LAYN: variants seen among roughly 807,000 people sequenced by gnomAD.
The protein encoded by LAYN is layilin.
LAYN carries 38 observed loss-of-function variants against 43.6 expected under a neutral mutation model. The observed-to-expected ratio is 0.87, with a 90% CI of 0.67 to 1.14. The LOEUF is 1.14. LAYN is among the 50% of genes most tolerant of loss of function. LAYN has a pLI of 0.00. For missense variants in LAYN, 479 were observed against 463.8 expected, an observed-to-expected ratio of 1.03 and a Z score of -0.30; for synonymous variants, 168 against 172.9, an observed-to-expected ratio of 0.97 and a Z score of 0.22.
At chr11:111,544,297 G>C in intron 2 of LAYN, 77 bp downstream of exon 2, 2 of 1,423,282 alleles carry the variant, frequency 1.4e-6, no homozygotes, top group South Asian at 1.4e-5. Context: ...CACAGTGCCA[G>C]ATCAGTGGGG....
Position 111,543,966 on chromosome 11 carries a change from A to C in LAYN, c.129A>C (p.Lys43Asn). The C allele has an allele frequency of 6.2e-7, 1 of 1,614,078 alleles. No individual in the cohort carries two copies. Among genetic ancestry groups the C allele is most frequent in the Non-Finnish European group, 8.5e-7 (1 of 1,180,018 alleles). ...CRGGTQRPCYKVIYFHDTSRR... is the reference protein window; with the variant it reads ...CRGGTQRPCYNVIYFHDTSRR... ...GAGGGACACAGAGGCCTTGTTATAAAGTCATTTACTTCCATGATACTTCTC... is the reference window on the plus strand; with the variant it reads ...GAGGGACACAGAGGCCTTGTTATAACGTCATTTACTTCCATGATACTTCTC... The change falls in exon 2 of 7, where the codon AAA becomes AAC. Residue 43 changes from lysine to asparagine, a missense_variant. Transcript: ENST00000375614.
chr11:111,557,626 T>C lies in LAYN; in HGVS notation c.744T>C (p.Val248=). The C allele has an allele frequency of 6.2e-7, 1 of 1,613,886 alleles. No homozygotes were observed. The highest frequency in any genetic ancestry group is 8.5e-7 in the Non-Finnish European group (1 of 1,179,732). Residue 248 remains valine (V), a synonymous_variant, in exon 6 of 7, where the codon GTT becomes GTC. Coordinates refer to ENST00000375614, the MANE Select transcript of LAYN (RefSeq NM_178834.5). The part of the protein sequence containing the change: ...LLVVTTVVCW[V]WICRKRKREQ... The stretch of plus-strand genomic sequence containing the variant: ...TGGTCACCACAGTTGTATGTTGGGT[T>C]TGGATCTGTAGAAAAAGGCAAGTAA...
rs775947887 is a variant in LAYN, at chr11:111,560,282, G to A, written c.949G>A (p.Asp317Asn). 7.4e-6 allele frequency: 12 copies of A among 1,614,028 alleles called. No homozygotes were observed. The highest frequency in any genetic ancestry group is 2.2e-5 in the South Asian group (2 of 91,084). Reference protein sequence around the residue: ...FRVCSGEATPDDMSCDYDNMA... With the variant: ...FRVCSGEATPNDMSCDYDNMA... ...AGTGTGTTCGGGAGAAGCCACTCCC[G>A]ATGACATGTCTTGTGACTATGACAA... The change falls in exon 7 of 7, where the codon GAT becomes AAT. Residue 317 changes from aspartate to asparagine, a missense_variant. Coordinates refer to ENST00000375614, the MANE Select transcript of LAYN (RefSeq NM_178834.5).
chr11:111,556,093 A>T (rs1161081557), intron 5 of LAYN, among the ~76,000 whole-genome samples: 1 of 152,194 alleles, frequency 6.6e-6, no homozygotes, highest in Non-Finnish European at 1.5e-5. Context: ...CAAATCCAGG[A>T]GTGCCCATGA....
intron 3 of LAYN, 99 bp downstream of exon 3, chr11:111,549,874 A>G: frequency 7.7e-7 from 1 of 1,303,330 alleles, no homozygotes; most frequent in Non-Finnish European, 1.1e-6. Context: ...GTCTCTGAGA[A>G]AGCTTGTTGC....
chr11:111,556,850 G>T (rs1867854275), intron 5 of LAYN, among the ~76,000 whole-genome samples: 1 of 152,114 alleles, frequency 6.6e-6, no homozygotes, highest in South Asian at 2.1e-4. Flanking sequence ...CCACTTGAGG[G>T]GAACATCTTT....
At chr11:111,545,055 AATATATAT>A (rs36063658) in intron 2 of LAYN, among the ~76,000 whole-genome samples, 1 of 82,466 alleles carries the variant, frequency 1.2e-5, no homozygotes, top group African/African-American at 3.2e-5. Flanking sequence ...AAATTTAACA[AATATATAT>A]ATATATATAT....
chr11:111,541,008 C>G, intron 1 of LAYN, 80 bp downstream of exon 1: 1 of 1,356,182 alleles, frequency 7.4e-7, no homozygotes. Context: ...TCTTCTGGGT[C>G]GCCACGTATG....
rs1262731557 is a variant in LAYN at position 111,560,204 on chromosome 11, A to C, written c.871A>C (p.Ser291Arg). 6.2e-7 allele frequency: 1 copy of C among 1,614,232 alleles called. No homozygotes were observed. Among genetic ancestry groups the C allele is most frequent in the South Asian group, 1.1e-5 (1 of 91,082 alleles). The stretch of plus-strand genomic sequence containing the variant: ...GGTCTACAATGTCATAAGAAAACAA[A>C]GCGAAGCTGACTTAGCTGAGACCCG... ...LEVYNVIRKQ[S>R]EADLAETRPD... Residue 291 changes from serine to arginine, a missense_variant, in exon 7 of 7, where the codon AGC (serine) becomes CGC (arginine). Ser to Arg is a moderately radical substitution (Grantham distance 110). Coordinates refer to ENST00000375614, the MANE Select transcript of LAYN (RefSeq NM_178834.5).
At chr11:111,557,896 T>C (rs1867874781) in intron 6 of LAYN, among the ~76,000 whole-genome samples, 4 of 152,108 alleles carry the variant, frequency 2.6e-5, no homozygotes, top group Admixed American at 2.6e-4. Context: ...AAGGGTGAAA[T>C]TGCATTATTC....
Position 111,554,555 on chromosome 11 carries a change from C to T in LAYN, c.542-6C>T, listed in dbSNP as rs1591569563. The T allele has an allele frequency of 3.7e-6, 6 of 1,611,176 alleles. No individual in the cohort carries two copies. The East Asian group carries it at 1.1e-4, about 30-fold the overall frequency. ...TTATTTTTGTTTTTGTTTCTTTCTACTACAGAGAAACCAGCAGTTCCTTCT... is the reference window on the plus strand; with the variant it reads ...TTATTTTTGTTTTTGTTTCTTTCTATTACAGAGAAACCAGCAGTTCCTTCT... On this transcript the variant is annotated splice_region_variant and splice_polypyrimidine_tract_variant and intron_variant, in intron 3 of 6. Coordinates refer to ENST00000375614, the MANE Select transcript of LAYN (RefSeq NM_178834.5).
At position 111,540,942 on chromosome 11, in the gene LAYN, C is replaced by A. The variant is rs374111096; in HGVS notation, c.85+14C>A. The A allele has an allele frequency of 6.5e-4, 997 of 1,525,446 alleles. 2 individuals are homozygous for A. In the African/African-American group the frequency reaches 0.011, roughly 17 times the overall value. 94.5% of individuals were successfully genotyped at this position (1,525,446 alleles called of 1,614,324 possible). A position where few individuals can be genotyped will look rare whatever the true frequency, so the allele number is the denominator to read the frequency against. ...GCCTGCTGAGTGGTGAGTGCGCGCG[C>A]TGGGGCGGGGGCTGGTGCCGGGGTG... On this transcript the variant is annotated intron_variant, in intron 1 of 6. Coordinates refer to ENST00000375614, the MANE Select transcript of LAYN (RefSeq NM_178834.5).
chr11:111,554,658 A>G (rs1867803197), intron 4 of LAYN, 65 bp downstream of exon 4: 1 of 1,363,394 alleles, frequency 7.3e-7, no homozygotes, highest in Non-Finnish European at 1.0e-6. Flanking sequence ...CACAGGTTTA[A>G]AGCCCTATGT....
chr11:111,543,607 C>T (rs1867587316), intron 1 of LAYN, among the ~76,000 whole-genome samples: 2 of 152,328 alleles, frequency 1.3e-5, no homozygotes, highest in South Asian at 4.2e-4. Context: ...GTGTGCCTTT[C>T]AGTGAAACCA....
intron 2 of LAYN, among the ~76,000 whole-genome samples, chr11:111,544,514 C>T (rs1867613469): frequency 6.6e-6 from 1 of 152,152 alleles, no homozygotes; most frequent in South Asian, 2.1e-4. Flanking sequence ...CCTTTTGGAC[C>T]AGAACCTCAT....
In LAYN at chr11:111,560,549, A is replaced by C; in HGVS notation, c.*91A>C. On this transcript the variant is annotated 3_prime_UTR_variant, in exon 7 of 7. Coordinates refer to ENST00000375614, the MANE Select transcript of LAYN (RefSeq NM_178834.5). ...TATAAGGAAAATACACAGAAGGTCT[A>C]TGAACAAGCTTAGATCAGGTCCTGT... is the stretch of plus-strand genomic sequence containing the variant. 7.2e-7 allele frequency: 1 copy of C among 1,385,520 alleles called. No individual in the cohort carries two copies. Among genetic ancestry groups the C allele is most frequent in the Admixed American group, 2.3e-5 (1 of 42,958 alleles). 85.8% of individuals were successfully genotyped at this position (1,385,520 alleles called of 1,614,324 possible). A position where few individuals can be genotyped will look rare whatever the true frequency, so the allele number is the denominator to read the frequency against.
chr11:111,549,794 A>T lies in LAYN; in HGVS notation c.541+19A>T, dbSNP rs1867711171. 1 of 1,592,160 alleles carries T rather than the reference A, an allele frequency of 6.3e-7. No homozygotes were observed. The highest frequency in any genetic ancestry group is 8.5e-7 in the Non-Finnish European group (1 of 1,172,082). On this transcript the variant is annotated intron_variant, in intron 3 of 6. Coordinates refer to ENST00000375614, the MANE Select transcript of LAYN (RefSeq NM_178834.5). Reference sequence around the variant, plus strand: ...TCTGATGGTAATGAATCCTCTCCCAAGCTATGCGGCTGAATTCTCAACTTC... The same window carrying T: ...TCTGATGGTAATGAATCCTCTCCCATGCTATGCGGCTGAATTCTCAACTTC...
upstream of LAYN, chr11:111,540,689 G>A (rs971523032): frequency 3.1e-5 from 21 of 670,062 alleles, no homozygotes; most frequent in East Asian, 5.4e-4. Flanking sequence ...AGGGGCGACC[G>A]ACTGACTCCG....
At position 111,560,160 on chromosome 11, in the gene LAYN, G is replaced by A. The variant is rs1565276970; in HGVS notation, c.827G>A (p.Gly276Glu). ...ACCATCTGGCCCTCTCCTCACCAGG[G>A]AAACAGCCCGGACCTAGAGGTCTAC... ...QHTIWPSPHQ[G>E]NSPDLEVYNV... The change falls in exon 7 of 7, where the codon GGA (glycine) becomes GAA (glutamate). Residue 276 changes from glycine (G) to glutamate (E), a missense_variant. Transcript: ENST00000375614. The A allele has an allele frequency of 1.9e-6, 3 of 1,614,168 alleles. No individual in the cohort carries two copies. The highest frequency in any genetic ancestry group is 2.2e-5 in the East Asian group (1 of 44,882).
Sources: allele counts gnomAD v4.1 joint callset (sites outside exome capture counted in the v4.1 genomes callset), GRCh38; gene constraint gnomAD v4.1.1; transcripts MANE v1.5; gene names NCBI Gene and HGNC (gene_info 2026-07-23, HGNC 2026-07-21).